The following SMAP2 variants were observed in gnomAD, a reference collection of about 807,000 sequenced individuals.
The protein encoded by SMAP2 is stromal membrane-associated protein 2.
In SMAP2, 25 loss-of-function variants were observed where a neutral mutation model predicts 56.4. The observed-to-expected ratio is 0.44, with a 90% CI of 0.32 to 0.62. SMAP2 has a LOEUF of 0.62. Among genes scored for constraint, SMAP2 ranks in the 20% least tolerant of loss-of-function variants. The pLI is 0.04. For missense variants in SMAP2, 388 were observed against 545.6 expected (o/e 0.71, Z 2.88); for synonymous variants, 157 against 181.7 (o/e 0.86, Z 1.09).
chr1:40,383,398 A>G (rs1052024837), intron 1 of SMAP2, among the ~76,000 whole-genome samples: 2 of 152,136 alleles, frequency 1.3e-5, no homozygotes, highest in Non-Finnish European at 2.9e-5. Context: ...AGCCTGGGAG[A>G]TGTAGTTCCC....
chr1:40,416,152 T>G (rs1557467042), intron 7 of SMAP2, 24 bp from the exon 8 acceptor site: 1 of 1,603,664 alleles, frequency 6.2e-7, no homozygotes, highest in East Asian at 2.2e-5. Flanking sequence ...ATTTCAATTC[T>G]CCCCCCGCCC....
intron 1 of SMAP2, chr1:40,396,987 G>A (rs534162683): frequency 1.7e-4 from 45 of 259,170 alleles, no homozygotes; most frequent in African/African-American, 1.0e-3. Flanking sequence ...GTTATGTCAC[G>A]TAGAATTAAT....
At position 40,374,151 on chromosome 1, in the gene SMAP2, C is replaced by G. The variant is rs762286560; in HGVS notation, c.31C>G (p.Arg11Gly). ...AGGCAAGTCGGTGAAGGACGTGGAT[C>G]GGTACCAGGCTGTCCTGGCCAACCT... Reference protein sequence around the residue: MTGKSVKDVDRYQAVLANLLL... With the variant: MTGKSVKDVDGYQAVLANLLL... The change falls in exon 1 of 10, where the codon CGG becomes GGG. Residue 11 changes from arginine to glycine, a missense_variant. Arg to Gly is a moderately radical substitution (Grantham distance 125, BLOSUM62 -2). Coordinates refer to ENST00000372718, the MANE Select transcript of SMAP2 (RefSeq NM_022733.3). The surrounding 1 kb of genome is among the most constrained non-coding windows in gnomAD (Gnocchi z 5.9). 1.2e-5 allele frequency: 19 copies of G among 1,613,612 alleles called. No individual in the cohort carries two copies. Among genetic ancestry groups the G allele is most frequent in the Non-Finnish European group, 1.6e-5 (19 of 1,179,782 alleles).
intron 1 of SMAP2, among the ~76,000 whole-genome samples, chr1:40,347,240 G>GTGTTT (rs58284805): frequency 0.022 from 1,912 of 88,084 alleles, 149 homozygotes; most frequent in African/African-American, 0.073. Flanking sequence ...GTGTGTGTGT[G>GTGTTT]TTTTGTTTTT....
rs558769383 is a variant in SMAP2, at chr1:40,415,368, C to T, written c.668C>T (p.Ser223Phe). Residue 223 changes from serine to phenylalanine, a missense_variant, in exon 7 of 10, where the codon TCC becomes TTC. Physicochemically the swap from Ser to Phe is radical, Grantham distance 155 (BLOSUM62 -2). Coordinates refer to ENST00000372718, the MANE Select transcript of SMAP2 (RefSeq NM_022733.3). ...LLASVPSPSS[S>F]GSRKVVGSMP... ...GCCTCTGTTCCATCCCCTTCTTCTT[C>T]CGGTTCCAGAAAGGTGAGTCTTGTG... 1.9e-5 allele frequency: 31 copies of T among 1,610,776 alleles called. No homozygotes were observed. Among genetic ancestry groups the T allele is most frequent in the African/African-American group, 1.3e-4 (10 of 74,930 alleles).
At chr1:40,415,456 C>T (rs1273151143) in intron 7 of SMAP2, 75 bp downstream of exon 7, 19 of 963,866 alleles carry the variant, frequency 2.0e-5, no homozygotes, top group East Asian at 4.8e-5. Flanking sequence ...CATGGAACCA[C>T]GTCATGCTTC....
At position 40,375,335 on chromosome 1, in the gene SMAP2, G is replaced by A. The variant is rs899996652; in HGVS notation, c.103+1112G>A. Among the ~76,000 whole-genome samples the A allele has an allele frequency of 5.9e-5, 9 of 152,178 alleles. 1 individual carries two copies. Among genetic ancestry groups the A allele is most frequent in the South Asian group, 4.1e-4 (2 of 4,838 alleles). On this transcript the variant is annotated intron_variant, in intron 1 of 9. Transcript: ENST00000372718. ...TTGCCATGGTTGTTTGCCGTACAGC[G>A]TAGTGGGCATATACTATAAAACAAA...
intron 1 of SMAP2, among the ~76,000 whole-genome samples, chr1:40,394,449 A>G (rs1644749787): frequency 6.6e-6 from 1 of 152,170 alleles, no homozygotes; most frequent in Non-Finnish European, 1.5e-5. Flanking sequence ...CAGTGTTTGT[A>G]GCATCAAGGG....
chr1:40,391,753 G>A (rs977676188), intron 1 of SMAP2, among the ~76,000 whole-genome samples: 10 of 152,044 alleles, frequency 6.6e-5, no homozygotes, highest in African/African-American at 1.9e-4. Context: ...TTTCCCTCCC[G>A]CAGTGGGCAG....
intron 1 of SMAP2, among the ~76,000 whole-genome samples, chr1:40,352,205 C>A (rs1644411766): frequency 6.6e-6 from 1 of 151,838 alleles, no homozygotes; most frequent in African/African-American, 2.4e-5. Flanking sequence ...ATCTGTGGAC[C>A]CAGGATAAGA....
intron 1 of SMAP2, among the ~76,000 whole-genome samples, chr1:40,357,679 G>A (rs563853312): frequency 7.9e-5 from 12 of 152,234 alleles, no homozygotes; most frequent in African/African-American, 2.9e-4. Context: ...TTATTGAAGA[G>A]ACTGTTTTTT....
At chr1:40,349,971 C>A (rs1644403545) in intron 1 of SMAP2, among the ~76,000 whole-genome samples, 1 of 152,160 alleles carries the variant, frequency 6.6e-6, no homozygotes, top group African/African-American at 2.4e-5. Flanking sequence ...GAATCATCTC[C>A]CACCTTTCCA....
chr1:40,360,004 CTTTTTTTT>C (rs775408458), intron 1 of SMAP2, among the ~76,000 whole-genome samples: 6 of 102,484 alleles, frequency 5.9e-5, no homozygotes, highest in African/African-American at 2.3e-4. Context: ...CTTCTTCTTT[CTTTTTTTT>C]TTTTTTTTTT....
intron 4 of SMAP2, among the ~76,000 whole-genome samples, chr1:40,412,363 T>C (rs1328987528): frequency 6.6e-6 from 1 of 152,168 alleles, no homozygotes; most frequent in African/African-American, 2.4e-5. Flanking sequence ...AGAAAGATCT[T>C]TCTCCCTGCA....
intron 1 of SMAP2, chr1:40,362,173 T>C (rs1644463012): frequency 6.6e-6 from 1 of 152,220 alleles, no homozygotes; most frequent in Admixed American, 6.5e-5. Context: ...ACACTTTGAC[T>C]GTCACTGGAG....
intron 8 of SMAP2, 139 bp downstream of exon 8, chr1:40,416,480 T>C (rs1644988396): frequency 2.2e-6 from 2 of 904,714 alleles, no homozygotes; most frequent in South Asian, 3.3e-5. Flanking sequence ...ATGACCAACG[T>C]ATCAGCAGAT....
intron 4 of SMAP2, 143 bp downstream of exon 4, chr1:40,409,978 C>T: frequency 1.6e-6 from 1 of 617,924 alleles, no homozygotes; most frequent in Non-Finnish European, 2.9e-6. Context: ...TGTGGTGGCT[C>T]ATCCCCTAAT....
chr1:40,398,412 A>AC (rs35524675), intron 1 of SMAP2, among the ~76,000 whole-genome samples: 56,621 of 151,748 alleles, frequency 0.37, 10,976 homozygotes, highest in Non-Finnish European at 0.43. Context: ...CATATTTTAA[A>AC]AAAAATGGAA....
intron 4 of SMAP2, among the ~76,000 whole-genome samples, chr1:40,412,692 A>G (rs1411427472): frequency 6.6e-6 from 1 of 152,188 alleles, no homozygotes; most frequent in African/African-American, 2.4e-5. Context: ...TGGGCAAATT[A>G]AATTTGGGGC....
Sources: gnomAD v4.1 joint callset for allele counts (sites outside exome capture counted in the v4.1 genomes callset) on GRCh38, gnomAD v4.1.1 for gene constraint, Gnocchi (gnomAD v3.1) non-coding constraint, MANE v1.5 for transcripts, NCBI Gene and HGNC (gene_info 2026-07-23, HGNC 2026-07-21) for gene names.